LARGE1: variants seen among roughly 807,000 people sequenced by gnomAD.
The protein encoded by LARGE1 is LARGE xylosyl- and glucuronyltransferase 1.
Under a neutral mutation model 87.6 loss-of-function variants are expected in LARGE1, and 43 were observed. The ratio of observed to expected loss-of-function variants is 0.49; its 90% CI spans 0.38 to 0.63. The LOEUF is 0.63. Ranked by LOEUF, LARGE1 falls within the 30% of genes least tolerant of loss-of-function variation. The pLI, the probability that LARGE1 is intolerant of heterozygous loss-of-function variation, is 0.00. For missense variants in LARGE1, 802 were observed against 1,000.2 expected, an observed-to-expected ratio of 0.80 and a Z score of 2.67; for synonymous variants, 434 against 394.6, an observed-to-expected ratio of 1.10 and a Z score of -1.18.
intron 6 of LARGE1, among the ~76,000 whole-genome samples, chr22:33,437,856 C>G (rs911417809): frequency 1.4e-4 from 22 of 152,116 alleles, no homozygotes; most frequent in African/African-American, 5.3e-4. Flanking sequence ...TTAGCAGTGA[C>G]AGGGCGATAT....
chr22:33,683,040 C>A (rs1010899420), intron 2 of LARGE1, among the ~76,000 whole-genome samples: 16 of 152,184 alleles, frequency 1.1e-4, no homozygotes, highest in Non-Finnish European at 4.4e-5. Flanking sequence ...TTGTTCTAGC[C>A]ATTTTGTGCT....
intron 6 of LARGE1, among the ~76,000 whole-genome samples, chr22:33,471,706 T>G (rs952857961): frequency 1.3e-5 from 2 of 152,112 alleles, no homozygotes; most frequent in African/African-American, 4.8e-5. Context: ...AAAAAGAGGC[T>G]GAAAGCACTG....
intron 1 of LARGE1, among the ~76,000 whole-genome samples, chr22:33,792,703 A>G (rs2085861357): frequency 6.6e-6 from 1 of 152,196 alleles, no homozygotes; most frequent in Admixed American, 6.5e-5. Flanking sequence ...CAGAAGCAAA[A>G]AAACACAAGT....
chr22:33,792,777 C>T (rs2283949), intron 1 of LARGE1, among the ~76,000 whole-genome samples: 29,241 of 152,150 alleles, frequency 0.19, 3,377 homozygotes, highest in Admixed American at 0.33. Flanking sequence ...AGCATCCACA[C>T]CCTCCTTTCT....
At chr22:33,403,760 C>G (rs1443600530) in intron 7 of LARGE1, among the ~76,000 whole-genome samples, 1 of 152,036 alleles carries the variant, frequency 6.6e-6, no homozygotes. Context: ...CCTGCCACCA[C>G]GCCTGGCTAA....
At chr22:33,114,371 A>T in the LARGE1 span, among the ~76,000 whole-genome samples, 3 of 152,228 alleles carry the variant, frequency 2.0e-5, no homozygotes, top group Non-Finnish European at 4.4e-5. Flanking sequence ...GAAGAAAAAG[A>T]ACGGACTTCC....
Position 33,304,255 on chromosome 22 carries a change from G to A in LARGE1, c.1704C>T (p.Pro568=), listed in dbSNP as rs768746727. The change falls in exon 12 of 15, where the codon CCC becomes CCT. Residue 568 remains proline, a synonymous_variant. Coordinates refer to ENST00000397394, the MANE Select transcript of LARGE1 (RefSeq NM_133642.5). ...YMFLSDIDFL[P]MYGLYEYLRK... ...TGAGGTACTCATAGAGCCCATACAT[G>A]GGCAGGAAGTCAATGTCAGACAGGA... The A allele has an allele frequency of 4.3e-6, 7 of 1,614,128 alleles. No individual in the cohort carries two copies. Among genetic ancestry groups the A allele is most frequent in the African/African-American group, 2.7e-5 (2 of 74,944 alleles).
intron 2 of LARGE1, among the ~76,000 whole-genome samples, chr22:33,702,710 C>T (rs2149374904): frequency 6.6e-6 from 1 of 152,278 alleles, no homozygotes; most frequent in Non-Finnish European, 1.5e-5. Context: ...CCCTGTTATC[C>T]TGGGCATCCA....
intron 7 of LARGE1, among the ~76,000 whole-genome samples, chr22:33,392,629 C>T (rs1448423282): frequency 1.3e-5 from 2 of 151,868 alleles, no homozygotes; most frequent in Non-Finnish European, 2.9e-5. Context: ...ACTGTACTCC[C>T]GCCTGGGCAA....
intron 1 of LARGE1, among the ~76,000 whole-genome samples, chr22:33,878,125 A>ATTTATTTTTTTTTTTTTTTTTTTT (rs1601836110): frequency 2.0e-5 from 1 of 51,234 alleles, no homozygotes; most frequent in East Asian, 7.2e-4. Flanking sequence ...TTTATATTGT[A>ATTTATTTTTTTTTTTTTTTTTTTT]TTTCTTTTTT....
At chr22:33,469,891 T>A (rs2068760673) in intron 6 of LARGE1, among the ~76,000 whole-genome samples, 1 of 144,882 alleles carries the variant, frequency 6.9e-6, no homozygotes, top group South Asian at 2.2e-4. Flanking sequence ...TTACTCTTTT[T>A]TTTTTTTTTT....
At chr22:33,660,706 A>G (rs1187003073) in intron 2 of LARGE1, among the ~76,000 whole-genome samples, 2 of 152,230 alleles carry the variant, frequency 1.3e-5, no homozygotes, top group Admixed American at 6.5e-5. Context: ...CTAAAAGCTA[A>G]ACAACCATAA....
At chr22:33,799,367 G>A (rs2086085479) in intron 1 of LARGE1, among the ~76,000 whole-genome samples, 1 of 152,142 alleles carries the variant, frequency 6.6e-6, no homozygotes, top group Non-Finnish European at 1.5e-5. Flanking sequence ...AATCCATGTG[G>A]TGGGGACAAA....
intron 11 of LARGE1, among the ~76,000 whole-genome samples, chr22:33,184,241 T>C (rs1923354551): frequency 6.6e-6 from 1 of 151,516 alleles, no homozygotes; most frequent in East Asian, 1.9e-4. Context: ...AAATGCTTGA[T>C]ATCTTGTAGA....
intron 5 of LARGE1, among the ~76,000 whole-genome samples, chr22:33,592,404 T>C (rs1484583526): frequency 6.6e-6 from 1 of 152,202 alleles, no homozygotes; most frequent in Non-Finnish European, 1.5e-5. Flanking sequence ...GATCTAATTC[T>C]ACTTATTTCA....
intron 1 of LARGE1, among the ~76,000 whole-genome samples, chr22:33,785,559 T>C (rs2085615027): frequency 6.6e-6 from 1 of 152,114 alleles, no homozygotes. Flanking sequence ...ACCCAGTGCC[T>C]GGTTTCTACA....
chr22:33,198,609 A>G (rs923072173), intron 11 of LARGE1, among the ~76,000 whole-genome samples: 2 of 148,010 alleles, frequency 1.4e-5, no homozygotes, highest in African/African-American at 2.5e-5. Flanking sequence ...CCACCCTCCA[A>G]ACTTTTATAG....
At chr22:33,789,513 C>T (rs1464284467) in intron 1 of LARGE1, among the ~76,000 whole-genome samples, 1 of 152,132 alleles carries the variant, frequency 6.6e-6, no homozygotes, top group East Asian at 1.9e-4. Context: ...CCTTTAGACC[C>T]TAGAATGGTA....
At chr22:33,162,941 G>A (rs1035996442) in exon 12 of LARGE1, 1 of 152,172 alleles carries the variant, frequency 6.6e-6, no homozygotes, top group African/African-American at 2.4e-5. Flanking sequence ...AGTCCTCTGG[G>A]AAAATTTCCT....
Sources: gnomAD v4.1 joint callset for allele counts (sites outside exome capture counted in the v4.1 genomes callset) on GRCh38, gnomAD v4.1.1 for gene constraint, MANE v1.5 for transcripts, NCBI Gene and HGNC (gene_info 2026-07-23, HGNC 2026-07-21) for gene names.